WASF2: variants seen among roughly 807,000 people sequenced by gnomAD.
WASF2 encodes the protein actin-binding protein WASF2.
In WASF2, 14 loss-of-function variants were observed where a neutral mutation model predicts 45.0. The ratio of observed to expected loss-of-function variants is 0.31; its 90% CI spans 0.21 to 0.49. WASF2 has a LOEUF of 0.49. Ranked by LOEUF, WASF2 falls within the 20% of genes least tolerant of loss-of-function variation. The pLI is 0.99. For missense variants in WASF2, 439 were observed against 636.1 expected, an observed-to-expected ratio of 0.69 and a Z score of 3.33; for synonymous variants, 200 against 236.3, an observed-to-expected ratio of 0.85 and a Z score of 1.41.
intron 1 of WASF2, among the ~76,000 whole-genome samples, chr1:27,441,633 A>G (rs929036197): frequency 5.3e-5 from 8 of 151,814 alleles, no homozygotes; most frequent in Non-Finnish European, 1.0e-4. Context: ...GGGCGCCTGT[A>G]GTCCCAGCTA....
intron 1 of WASF2, among the ~76,000 whole-genome samples, chr1:27,458,243 G>A (rs151015272): frequency 3.9e-4 from 59 of 150,544 alleles, no homozygotes; most frequent in African/African-American, 1.4e-3. Flanking sequence ...AACTCGGGCG[G>A]CGGAGGTTGC....
Position 27,445,840 on chromosome 1 carries a change from CT to C in WASF2, c.-43-16908del, listed in dbSNP as rs557290282. Among the ~76,000 whole-genome samples, 329 of 140,330 alleles carry C rather than the reference CT, an allele frequency of 2.3e-3. 1 individual carries two copies. The highest frequency in any genetic ancestry group is 0.018 in the Middle Eastern group (5 of 274). 92.1% of individuals were successfully genotyped at this position (140,330 alleles called of 152,430 possible). On this transcript the variant is annotated intron_variant, in intron 1 of 8. Coordinates refer to ENST00000618852, the MANE Select transcript of WASF2 (RefSeq NM_006990.5). ...GCTCATCAAATCTTCTCATCAGGGA[CT>C]TTTTTTTTTTTTTTAAAGCACCTAA...
chr1:27,425,495 G>A (rs910821447), intron 2 of WASF2, among the ~76,000 whole-genome samples: 2 of 152,166 alleles, frequency 1.3e-5, no homozygotes, highest in Admixed American at 6.5e-5. Flanking sequence ...CTGAGGTCAG[G>A]AGTTTGAGAC....
chr1:27,461,073 G>A (rs932463065), intron 1 of WASF2, among the ~76,000 whole-genome samples: 2 of 152,092 alleles, frequency 1.3e-5, no homozygotes, highest in African/African-American at 4.8e-5. Context: ...GTGAACCCGG[G>A]AGGCGGAGCT....
intron 1 of WASF2, among the ~76,000 whole-genome samples, chr1:27,458,667 C>T (rs9438516): frequency 3.5e-3 from 536 of 151,426 alleles, no homozygotes; most frequent in Non-Finnish European, 6.1e-3. Context: ...GTGGTGCATG[C>T]CTGTAATCCC....
At chr1:27,432,621 C>T (rs1356040814) in intron 1 of WASF2, among the ~76,000 whole-genome samples, 1 of 109,032 alleles carries the variant, frequency 9.2e-6, no homozygotes, top group Non-Finnish European at 1.7e-5. Context: ...GCACTCCAGC[C>T]TGGGCGACAG....
intron 1 of WASF2, among the ~76,000 whole-genome samples, chr1:27,431,449 C>T (rs1557603099): frequency 1.3e-5 from 2 of 152,160 alleles, no homozygotes; most frequent in Non-Finnish European, 2.9e-5. Flanking sequence ...GAACACCATC[C>T]TCTAGGTGTC....
chr1:27,445,660 A>T (rs1416660370), intron 1 of WASF2, among the ~76,000 whole-genome samples: 1 of 152,202 alleles, frequency 6.6e-6, no homozygotes, highest in Admixed American at 6.5e-5. Context: ...ACACAGGCTT[A>T]TTTAAAATCC....
intron 3 of WASF2, 139 bp from the exon 4 acceptor site, chr1:27,418,561 C>T (rs141208498): frequency 8.4e-6 from 10 of 1,197,104 alleles, no homozygotes; most frequent in African/African-American, 1.5e-5. Flanking sequence ...TTCCCTCCCC[C>T]TCTGGGGAAG....
At chr1:27,454,185 ATATTTTTTTT>A (rs2017434291) in intron 1 of WASF2, among the ~76,000 whole-genome samples, 9 of 7,950 alleles carry the variant, frequency 1.1e-3, no homozygotes, top group African/African-American at 3.0e-3. Context: ...ATATATATAT[ATATTTTTTTT>A]TTTTTTTTTT....
At chr1:27,480,043 A>C (rs1022514325) in intron 1 of WASF2, among the ~76,000 whole-genome samples, 3 of 152,232 alleles carry the variant, frequency 2.0e-5, no homozygotes, top group Admixed American at 6.5e-5. Context: ...ATAATTCCAC[A>C]GATGCCGTTG....
intron 1 of WASF2, among the ~76,000 whole-genome samples, chr1:27,467,997 A>T (rs1004189302): frequency 6.6e-6 from 1 of 151,702 alleles, no homozygotes; most frequent in Admixed American, 6.6e-5. Flanking sequence ...GTAGTAGCAC[A>T]ATCTCAGCTC....
intron 1 of WASF2, among the ~76,000 whole-genome samples, chr1:27,441,065 A>C (rs1241593995): frequency 6.6e-6 from 1 of 151,184 alleles, no homozygotes; most frequent in African/African-American, 2.4e-5. Context: ...ATGGGGTTTC[A>C]CCATGTTGCC....
intron 7 of WASF2, among the ~76,000 whole-genome samples, chr1:27,411,525 T>C (rs1285161229): frequency 1.3e-5 from 2 of 152,208 alleles, no homozygotes; most frequent in African/African-American, 4.8e-5. Flanking sequence ...CTGCTAACTA[T>C]ATCATGGACA....
chr1:27,413,771 A>G (rs935582982), intron 6 of WASF2, among the ~76,000 whole-genome samples: 18 of 152,128 alleles, frequency 1.2e-4, no homozygotes, highest in African/African-American at 4.1e-4. Context: ...GAGTCATTGA[A>G]CCTATGACAA....
At chr1:27,430,505 C>T (rs1054031521) in intron 1 of WASF2, among the ~76,000 whole-genome samples, 1 of 152,126 alleles carries the variant, frequency 6.6e-6, no homozygotes, top group Non-Finnish European at 1.5e-5. Context: ...GGATTACAGG[C>T]ATGCACCACC....
chr1:27,472,232 G>A (rs1177572846), intron 1 of WASF2, among the ~76,000 whole-genome samples: 1 of 151,498 alleles, frequency 6.6e-6, no homozygotes, highest in African/African-American at 2.4e-5. Context: ...TCGAGAGGCA[G>A]GAGAATTGCT....
At chr1:27,470,320 T>C (rs536814203) in intron 1 of WASF2, among the ~76,000 whole-genome samples, 2 of 152,242 alleles carry the variant, frequency 1.3e-5, no homozygotes, top group East Asian at 1.9e-4. Context: ...GAAGAAACTA[T>C]ACACCTCACC....
chr1:27,418,427 G>C lies in WASF2; in HGVS notation c.266-5C>G. The C allele has an allele frequency of 6.2e-7, 1 of 1,614,236 alleles. No individual in the cohort carries two copies. The highest frequency in any genetic ancestry group is 8.5e-7 in the Non-Finnish European group (1 of 1,180,034). The stretch of plus-strand genomic sequence containing the variant: ...TGTTGATTCCTTGCAGTGACACTGA[G>C]AGAAGATGGAAGGCGTTAGAAAATG... On this transcript the variant is annotated splice_region_variant and splice_polypyrimidine_tract_variant and intron_variant, in intron 3 of 8. Transcript: ENST00000618852.
Sources: gnomAD v4.1 joint callset for allele counts (sites outside exome capture counted in the v4.1 genomes callset) on GRCh38, gnomAD v4.1.1 for gene constraint, MANE v1.5 for transcripts, NCBI Gene and HGNC (gene_info 2026-07-23, HGNC 2026-07-21) for gene names.